Variants in ALG12 observed in about 807,000 individuals in gnomAD.
ALG12 encodes dol-P-Man:Man(7)GlcNAc(2)-PP-Dol alpha-1,6-mannosyltransferase.
A neutral mutation model predicts 46.0 loss-of-function variants in ALG12; 36 were observed. That is an observed-to-expected ratio of 0.78 (90% confidence interval 0.60 to 1.03). The LOEUF is 1.03. Ranked by LOEUF, ALG12 falls within the 50% of genes least tolerant of loss-of-function variation. The pLI is 0.00. For synonymous variants in ALG12, 326 were observed against 291.6 expected (o/e 1.12, Z -1.20); for missense variants, 599 against 633.5 (o/e 0.95, Z 0.58).
the ALG12 span, chr22:49,885,491 A>C: frequency 6.2e-7 from 1 of 1,612,002 alleles, no homozygotes; most frequent in Non-Finnish European, 8.5e-7. Context: ...TTCCATAGCA[A>C]CGTGCTGAAA....
the ALG12 span, among the ~76,000 whole-genome samples, chr22:49,881,097 G>C: frequency 5.3e-5 from 8 of 152,218 alleles, no homozygotes; most frequent in Non-Finnish European, 8.8e-5. Flanking sequence ...TGTAAACCCA[G>C]CACTTCGGGA....
chr22:49,883,685 G>A, the ALG12 span: 1 of 1,590,584 alleles, frequency 6.3e-7, no homozygotes, highest in Non-Finnish European at 8.6e-7. Flanking sequence ...TTGAAAACTT[G>A]TCCCAAAGAG....
chr22:49,908,156 C>T (rs942345769), intron 6 of ALG12, among the ~76,000 whole-genome samples: 1 of 152,180 alleles, frequency 6.6e-6, no homozygotes, highest in South Asian at 2.1e-4. Context: ...ACCACTTGGG[C>T]GTCGGGCCCC....
chr22:49,882,462 G>T, the ALG12 span, among the ~76,000 whole-genome samples: 1 of 152,176 alleles, frequency 6.6e-6, no homozygotes, highest in African/African-American at 2.4e-5. Flanking sequence ...TTTTATTATA[G>T]AATATTTATG....
At chr22:49,914,945 T>C (rs534499159) in intron 1 of ALG12, among the ~76,000 whole-genome samples, 97 of 152,328 alleles carry the variant, frequency 6.4e-4, no homozygotes, top group Non-Finnish European at 1.1e-3. Flanking sequence ...CCCAGGCTGG[T>C]ATGGAATTCC....
downstream of ALG12, among the ~76,000 whole-genome samples, chr22:49,899,919 G>C (rs147128961): frequency 1.5e-4 from 23 of 152,254 alleles, no homozygotes; most frequent in Middle Eastern, 3.4e-3. Flanking sequence ...AGCACTTTAG[G>C]AGGCCAAGGC....
chr22:49,873,984 G>A, the ALG12 span, among the ~76,000 whole-genome samples: 1 of 152,250 alleles, frequency 6.6e-6, no homozygotes, highest in African/African-American at 2.4e-5. Context: ...GGCCCGTGCC[G>A]AGAACAAGAA....
downstream of ALG12, among the ~76,000 whole-genome samples, chr22:49,898,832 A>G (rs1295488229): frequency 6.6e-6 from 1 of 152,142 alleles, no homozygotes; most frequent in Non-Finnish European, 1.5e-5. Context: ...AGCTCACTGC[A>G]GCCTCAACCT....
chr22:49,897,822 A>C (rs2060489643), downstream of ALG12, among the ~76,000 whole-genome samples: 1 of 150,476 alleles, frequency 6.6e-6, no homozygotes, highest in South Asian at 2.1e-4. Flanking sequence ...CGCCCGGATA[A>C]TTTTTTTGTA....
chr22:49,881,855 T>G, the ALG12 span, among the ~76,000 whole-genome samples: 1 of 152,306 alleles, frequency 6.6e-6, no homozygotes, highest in East Asian at 1.9e-4. Flanking sequence ...TATTTTTCTT[T>G]TTTATCTGGC....
chr22:49,910,343 G>A lies in ALG12; in HGVS notation c.469+91C>T, dbSNP rs539144437. 2.6e-5 allele frequency: 39 copies of A among 1,502,616 alleles called. No individual in the cohort carries two copies. In the East Asian group the frequency reaches 7.3e-4, roughly 28 times the overall value. 93.1% of individuals were successfully genotyped at this position (1,502,616 alleles called of 1,614,324 possible). A position where few individuals can be genotyped will look rare whatever the true frequency, so the allele number is the denominator to read the frequency against. ...GAACCCAGTGGGGAATGGCCATTAC[G>A]GGGGAGGCACTGCCATCAGCTGCAC... On this transcript the variant is annotated intron_variant, in intron 4 of 9. Coordinates refer to ENST00000330817, the MANE Select transcript of ALG12 (RefSeq NM_024105.4).
At chr22:49,887,361 G>A in the ALG12 span, 946 of 537,296 alleles carry the variant, frequency 1.8e-3, 9 homozygotes, top group African/African-American at 0.016. Flanking sequence ...GCCAAGTTTC[G>A]CGGGGTGTTT....
At position 49,902,565 on chromosome 22, in the gene ALG12, G is replaced by A. The variant is rs2060518232; in HGVS notation, c.*1273C>T. 1.5e-5 allele frequency: 2 copies of A among 135,266 alleles called. No individual in the cohort carries two copies. The allele number at this position is 135,266 out of a possible 1,614,324, so 8.4% of individuals were successfully genotyped here. ...GTGCACTGTGTGTATGCATGGTAATGTGCACGTGTGCACTGTGTGTGGTGT... is the reference window on the plus strand; with the variant it reads ...GTGCACTGTGTGTATGCATGGTAATATGCACGTGTGCACTGTGTGTGGTGT... On this transcript the variant is annotated 3_prime_UTR_variant, in exon 10 of 10. Transcript: ENST00000330817.
At position 49,909,315 on chromosome 22, in the gene ALG12, G is replaced by A. The variant is rs1375608444; in HGVS notation, c.697C>T (p.Arg233Trp). ...LTVAVDSYFW[R>W]QLTWPEGKVL... ...TTTCCTTCCGGCCAAGTGAGCTGCC[G>A]CCAAAAATAAGAGTCCACAGCAACC... is the stretch of plus-strand genomic sequence containing the variant. Residue 233 changes from arginine to tryptophan, a missense_variant, in exon 6 of 10, where the codon CGG becomes TGG. Arg to Trp is a moderately radical substitution (Grantham distance 101). Coordinates refer to ENST00000330817, the MANE Select transcript of ALG12 (RefSeq NM_024105.4). 5.6e-6 allele frequency: 9 copies of A among 1,614,068 alleles called. No individual in the cohort carries two copies. Among genetic ancestry groups the A allele is most frequent in the South Asian group, 2.2e-5 (2 of 91,086 alleles).
At chr22:49,911,159 G>A (rs1209727841) in intron 3 of ALG12, among the ~76,000 whole-genome samples, 1 of 152,218 alleles carries the variant, frequency 6.6e-6, no homozygotes, top group African/African-American at 2.4e-5. Context: ...TCCTCACCGT[G>A]GACCGGCCTG....
chr22:49,884,171 T>C, the ALG12 span: 40 of 1,612,306 alleles, frequency 2.5e-5, no homozygotes, highest in African/African-American at 5.3e-5. Flanking sequence ...ACCGTGCTCA[T>C]TCAGGAAAAT....
At chr22:49,867,563 C>A in the ALG12 span, among the ~76,000 whole-genome samples, 18 of 152,170 alleles carry the variant, frequency 1.2e-4, no homozygotes, top group African/African-American at 4.3e-4. Flanking sequence ...CCAGATCGGA[C>A]CTTGGACCCT....
intron 3 of ALG12, among the ~76,000 whole-genome samples, chr22:49,912,671 AC>A (rs2060585462): frequency 6.6e-6 from 1 of 152,226 alleles, no homozygotes; most frequent in East Asian, 1.9e-4. Flanking sequence ...ATAAAAGCGT[AC>A]TGAAATAAAA....
At chr22:49,900,045 T>A (rs138673004), downstream of ALG12, among the ~76,000 whole-genome samples, 549 of 152,208 alleles carry the variant, frequency 3.6e-3, 2 homozygotes, top group South Asian at 6.2e-3. Context: ...ACACCTGTAG[T>A]CCCAGCTACT....
Sources: gnomAD v4.1 joint callset for allele counts (sites outside exome capture counted in the v4.1 genomes callset) on GRCh38, gnomAD v4.1.1 for gene constraint, MANE v1.5 for transcripts, NCBI Gene and HGNC (gene_info 2026-07-23, HGNC 2026-07-21) for gene names.